The following CACNB4 variants were observed in gnomAD, a reference collection of about 807,000 sequenced individuals.
CACNB4 encodes the protein voltage-dependent L-type calcium channel subunit beta-4.
CACNB4 carries 32 observed loss-of-function variants against 71.2 expected under a neutral mutation model. That is an observed-to-expected ratio of 0.45 (90% CI 0.34 to 0.60). CACNB4 has a LOEUF of 0.60. Among genes scored for constraint, CACNB4 ranks in the 20% least tolerant of loss-of-function variants. CACNB4 has a pLI of 0.01. For missense variants in CACNB4, 464 were observed against 647.9 expected, an observed-to-expected ratio of 0.72 and a Z score of 3.08; for synonymous variants, 231 against 236.9, an observed-to-expected ratio of 0.97 and a Z score of 0.23.
rs1578702090 is a variant in CACNB4, at chr2:151,899,005, T to C, written c.148-15635A>G. ...CCCAGAATCATCCTGAAAGCTCTTC[T>C]TCTCCCACCAATATTGATCAAACTC... On this transcript the variant is annotated intron_variant, in intron 2 of 13. Transcript: ENST00000539935. Among the ~76,000 whole-genome samples the C allele has an allele frequency of 4.6e-5, 7 of 152,212 alleles. No individual in the cohort carries two copies. In the South Asian group the frequency reaches 1.4e-3, roughly 32 times the overall value.
At chr2:151,911,844 G>C (rs2099856244) in intron 2 of CACNB4, among the ~76,000 whole-genome samples, 1 of 151,892 alleles carries the variant, frequency 6.6e-6, no homozygotes, top group African/African-American at 2.4e-5. Context: ...CCCAATTTCA[G>C]AGCTTATTAT....
At chr2:152,035,620 C>CTCTCTCTCTCT (rs1684527674) in intron 2 of CACNB4, among the ~76,000 whole-genome samples, 1 of 48,392 alleles carries the variant, frequency 2.1e-5, no homozygotes, top group Admixed American at 2.5e-4. Flanking sequence ...TCTCTCTCTC[C>CTCTCTCTCTCT]CTCCCTCTCC....
At chr2:151,872,051 C>A in intron 6 of CACNB4, 1 of 265,728 alleles carries the variant, frequency 3.8e-6, no homozygotes, top group Non-Finnish European at 7.2e-6. Context: ...AGACTGAAAA[C>A]AGCATTTTCT....
chr2:151,871,156 A>G, intron 6 of CACNB4: 1 of 441,838 alleles, frequency 2.3e-6, no homozygotes. Context: ...GGGCCAGCCA[A>G]TCACCATGGG....
At position 152,022,883 on chromosome 2, in the gene CACNB4, G is replaced by A. The variant is rs562026833; in HGVS notation, c.147+75447C>T. ...GATGATCAGGGTAAAGGAATTTAGG[G>A]TTGTTTTGAGGTTGTTTGACAATAT... On this transcript the variant is annotated intron_variant, in intron 2 of 13. Transcript: ENST00000539935. 2.0e-5 allele frequency among the ~76,000 whole-genome samples: 3 copies of A among 152,280 alleles called. No individual in the cohort carries two copies. In the East Asian group the frequency reaches 5.8e-4, roughly 29 times the overall value.
intron 12 of CACNB4, chr2:151,853,049 A>G: frequency 5.8e-6 from 1 of 172,606 alleles, no homozygotes; most frequent in East Asian, 1.9e-4. Flanking sequence ...CTTGACCTTC[A>G]GTGTCATAAT....
At chr2:151,896,591 G>A (rs1031128519) in intron 2 of CACNB4, among the ~76,000 whole-genome samples, 4 of 152,154 alleles carry the variant, frequency 2.6e-5, no homozygotes, top group African/African-American at 7.2e-5. Context: ...CCCATTTGGA[G>A]TTTGGAGTGG....
At chr2:151,941,773 C>A (rs1444301556) in intron 2 of CACNB4, among the ~76,000 whole-genome samples, 1 of 152,006 alleles carries the variant, frequency 6.6e-6, no homozygotes, top group African/African-American at 2.4e-5. Context: ...TGCAAAGCAC[C>A]TTAAGGTTAT....
At chr2:151,860,580 A>G in intron 10 of CACNB4, 131 bp downstream of exon 10, 1 of 698,648 alleles carries the variant, frequency 1.4e-6, no homozygotes, top group Non-Finnish European at 2.6e-6. Context: ...CATAGCTAGC[A>G]TTCTTTTTAG....
At chr2:152,011,367 C>A (rs972136103) in intron 2 of CACNB4, among the ~76,000 whole-genome samples, 1 of 152,202 alleles carries the variant, frequency 6.6e-6, no homozygotes, top group African/African-American at 2.4e-5. Flanking sequence ...ATGTTTTCCA[C>A]TCTGGGCTCG....
Position 151,956,636 on chromosome 2 carries a change from A to ATC in CACNB4, c.148-73267_148-73266insGA, listed in dbSNP as rs35937257. ...TAGTTGTACCACTCTGAATATAGTA[A>ATC]AACCCCTGAATTGTACACTTTAAAC... On this transcript the variant is annotated intron_variant, in intron 2 of 13. Coordinates refer to ENST00000539935, the MANE Select transcript of CACNB4 (RefSeq NM_000726.5). 8.9e-4 allele frequency among the ~76,000 whole-genome samples: 136 copies of ATC among 152,314 alleles called. 1 individual carries two copies. Among genetic ancestry groups the ATC allele is most frequent in the Non-Finnish European group, 1.5e-3 (104 of 68,028 alleles).
intron 2 of CACNB4, among the ~76,000 whole-genome samples, chr2:151,938,711 C>T (rs1021128132): frequency 2.2e-4 from 33 of 152,208 alleles, no homozygotes; most frequent in African/African-American, 6.5e-4. Context: ...TATTCTTCGT[C>T]TCCTCACCAA....
rs112820559 is a variant in CACNB4 at position 151,853,561 on chromosome 2, G to A, written c.1021-18C>T. ...TGTAAAACCTGATAGAAGAAGACAT[G>A]AACCTGAGGTATTGTAGATGAGTTG... On this transcript the variant is annotated intron_variant, in intron 11 of 13. Coordinates refer to ENST00000539935, the MANE Select transcript of CACNB4 (RefSeq NM_000726.5). The A allele has an allele frequency of 2.9e-6, 4 of 1,402,104 alleles. No individual in the cohort carries two copies. Among genetic ancestry groups the A allele is most frequent in the African/African-American group, 2.9e-5 (2 of 70,162 alleles). The allele number at this position is 1,402,104 out of a possible 1,614,324, so 86.9% of individuals were successfully genotyped here. A position where few individuals can be genotyped will look rare whatever the true frequency, so the allele number is the denominator to read the frequency against.
rs568291240 is a variant in CACNB4 at position 152,056,051 on chromosome 2, C to T, written c.147+42279G>A. On this transcript the variant is annotated intron_variant, in intron 2 of 13. Transcript: ENST00000539935. ...TTATACCAATTGGTTCATCAATACC[C>T]GCAAGATTTTTTAGAAATTAGATAT... Among the ~76,000 whole-genome samples, 8 of 152,238 alleles carry T rather than the reference C, an allele frequency of 5.3e-5. No homozygotes were observed. In the East Asian group the frequency reaches 5.8e-4, roughly 11 times the overall value.
chr2:152,057,231 C>T (rs1309767848), intron 2 of CACNB4, among the ~76,000 whole-genome samples: 1 of 152,100 alleles, frequency 6.6e-6, no homozygotes, highest in Non-Finnish European at 1.5e-5. Context: ...TGAATGCTGT[C>T]AAAATCCATG....
chr2:152,093,477 T>A (rs1387977598), intron 2 of CACNB4, among the ~76,000 whole-genome samples: 1 of 151,836 alleles, frequency 6.6e-6, no homozygotes, highest in Non-Finnish European at 1.5e-5. Flanking sequence ...TTGCACCCCA[T>A]CAAAAGATAG....
At chr2:151,879,940 A>C (rs1246011150) in intron 4 of CACNB4, 2 of 152,224 alleles carry the variant, frequency 1.3e-5, no homozygotes, top group Non-Finnish European at 2.9e-5. Context: ...CCTTGGACAC[A>C]GTGGGTATTA....
rs768302884 is a variant in CACNB4 at position 151,870,534 on chromosome 2, G to A, written c.696C>T (p.Tyr232=). 12 of 1,612,210 alleles carry A rather than the reference G, an allele frequency of 7.4e-6. No homozygotes were observed. Among genetic ancestry groups the A allele is most frequent in the African/African-American group, 1.3e-5 (1 of 74,852 alleles). ...VVLVGPSLKG[Y]EVTDMMQKAL... is the part of the protein sequence containing the mutation. ...GAGTAACAGATGATATTTGTACCTC[G>A]TAACCTTTCAGTGACGGCCCCACTA... The change falls in exon 8 of 14, where the codon TAC becomes TAT. Residue 232 remains tyrosine (Y), a synonymous_variant. Coordinates refer to ENST00000539935, the MANE Select transcript of CACNB4 (RefSeq NM_000726.5).
At chr2:151,907,059 CTCTT>C (rs1416704326) in intron 2 of CACNB4, among the ~76,000 whole-genome samples, 1 of 152,048 alleles carries the variant, frequency 6.6e-6, no homozygotes, top group Non-Finnish European at 1.5e-5. Flanking sequence ...TTTTATCCAT[CTCTT>C]TTTTTTTTCC....
Sources: gnomAD v4.1 joint callset for allele counts (sites outside exome capture counted in the v4.1 genomes callset) on GRCh38, gnomAD v4.1.1 for gene constraint, MANE v1.5 for transcripts, NCBI Gene and HGNC (gene_info 2026-07-23, HGNC 2026-07-21) for gene names.